Variants in LAMC3 observed in about 807,000 individuals in gnomAD.
LAMC3 encodes laminin subunit gamma 3.
Under a neutral mutation model 173.8 loss-of-function variants are expected in LAMC3, and 128 were observed. The ratio of observed to expected loss-of-function variants is 0.74; its 90% CI spans 0.64 to 0.85. The LOEUF is 0.85. Among genes scored for constraint, LAMC3 ranks in the 40% least tolerant of loss-of-function variants. The pLI, the probability that LAMC3 is intolerant of heterozygous loss-of-function variation, is 0.00. For synonymous variants in LAMC3, 897 were observed against 909.1 expected (o/e 0.99, Z 0.24); for missense variants, 2,022 against 2,156.0 (o/e 0.94, Z 1.23).
At chr9:131,015,830 T>C (rs990466282) in intron 1 of LAMC3, among the ~76,000 whole-genome samples, 1 of 152,126 alleles carries the variant, frequency 6.6e-6, no homozygotes, top group Non-Finnish European at 1.5e-5. Context: ...TAATTTTTTG[T>C]ATTTTTTTGT....
At position 131,082,087 on chromosome 9, in the gene LAMC3, C is replaced by T. The variant is rs758113813; in HGVS notation, c.3956C>T (p.Thr1319Ile). 3.7e-6 allele frequency: 6 copies of T among 1,613,840 alleles called. No homozygotes were observed. The highest frequency in any genetic ancestry group is 1.3e-5 in the African/African-American group (1 of 74,936). The change falls in exon 24 of 28, where the codon ACC becomes ATC. Residue 1319 changes from threonine to isoleucine, a missense_variant. By Grantham distance (89) the Thr-to-Ile change is moderately conservative. Transcript: ENST00000361069. ...KLHQEARAAL[T>I]QASSSVQAAT... ...CACCAGGAGGCCAGAGCCGCCCTGA[C>T]CCAGGCTTCCTCATCTGTCCAGGCT...
chr9:131,009,433 T>C lies in LAMC3; in HGVS notation c.219T>C (p.His73=), dbSNP rs3739512. The stretch of plus-strand genomic sequence containing the variant: ...TGGGCGCCGCGGGCGCGGGGGCTCA[T>C]TGCCAGCGCTGCGACGCCGCCGACC... ...PHVGAAGAGA[H]CQRCDAADPQ... The change falls in exon 1 of 28, where the codon CAT becomes CAC. Residue 73 remains histidine, a synonymous_variant. Coordinates refer to ENST00000361069, the MANE Select transcript of LAMC3 (RefSeq NM_006059.4). This position sits in a 1 kb window ranked among gnomAD's most constrained non-coding sequence, Gnocchi z 4.3. 10 of 1,544,228 alleles carry C rather than the reference T, an allele frequency of 6.5e-6. No homozygotes were observed. Among genetic ancestry groups the C allele is most frequent in the Non-Finnish European group, 8.7e-6 (10 of 1,145,868 alleles).
chr9:131,081,984 T>C, intron 23 of LAMC3, 75 bp from the exon 24 acceptor site: 1 of 1,084,160 alleles, frequency 9.2e-7, no homozygotes, highest in Non-Finnish European at 1.4e-6. Flanking sequence ...GTATGTGGGT[T>C]TGGTGCCCAC....
At position 131,036,225 on chromosome 9, in the gene LAMC3, G is replaced by A. The variant is rs1275971230; in HGVS notation, c.869G>A (p.Cys290Tyr). The change falls in exon 4 of 28, where the codon TGC (cysteine) becomes TAC (tyrosine). Residue 290 changes from cysteine to tyrosine, a missense_variant. Physicochemically the swap from Cys to Tyr is radical, Grantham distance 194 (BLOSUM62 -2). Transcript: ENST00000361069. Reference sequence around the variant, plus strand: ...CCCGACGTGGCAGGCCAGTTGGCCTGCCGGTGCCAGCACAACACCACCGGC... The same window carrying A: ...CCCGACGTGGCAGGCCAGTTGGCCTACCGGTGCCAGCACAACACCACCGGC... ...CGPDVAGQLA[C>Y]RCQHNTTGTD... The A allele has an allele frequency of 6.2e-7, 1 of 1,613,126 alleles. No individual in the cohort carries two copies. Among genetic ancestry groups the A allele is most frequent in the Non-Finnish European group, 8.5e-7 (1 of 1,179,886 alleles).
At chr9:131,073,102 A>G in intron 19 of LAMC3, 143 bp from the exon 20 acceptor site, 3 of 748,128 alleles carry the variant, frequency 4.0e-6, no homozygotes, top group South Asian at 2.9e-5. Flanking sequence ...GACTCCGCTC[A>G]CTGAATGCCG....
At chr9:131,088,696 C>G (rs1830369667) in intron 27 of LAMC3, among the ~76,000 whole-genome samples, 1 of 152,190 alleles carries the variant, frequency 6.6e-6, no homozygotes, top group Non-Finnish European at 1.5e-5. Context: ...TTCATCATCT[C>G]CAACTGAAGC....
At chr9:131,083,626 C>T (rs1042474651) in intron 24 of LAMC3, among the ~76,000 whole-genome samples, 7 of 152,118 alleles carry the variant, frequency 4.6e-5, no homozygotes, top group Non-Finnish European at 1.0e-4. Context: ...TCTGAGAAGG[C>T]CTGTAATAAA....
intron 3 of LAMC3, among the ~76,000 whole-genome samples, chr9:131,032,997 A>G (rs1833872877): frequency 6.6e-6 from 1 of 152,196 alleles, no homozygotes; most frequent in Admixed American, 6.5e-5. Flanking sequence ...TTACTGGCCT[A>G]GAGAAAGGCG....
intron 11 of LAMC3, among the ~76,000 whole-genome samples, chr9:131,055,413 T>A (rs1323716530): frequency 7.6e-6 from 1 of 130,780 alleles, no homozygotes; most frequent in Non-Finnish European, 1.6e-5. Context: ...CACTCTTTTT[T>A]CTTTTCTTTC....
intron 8 of LAMC3, among the ~76,000 whole-genome samples, chr9:131,047,540 G>A (rs1256333179): frequency 6.7e-6 from 1 of 148,792 alleles, no homozygotes; most frequent in African/African-American, 2.5e-5. Flanking sequence ...GGTTTGTATG[G>A]ATATTTGCTG....
intron 3 of LAMC3, 141 bp downstream of exon 3, chr9:131,032,316 G>A (rs1833839838): frequency 6.4e-6 from 5 of 782,100 alleles, no homozygotes; most frequent in Non-Finnish European, 8.7e-6. Context: ...CCTGCCATTC[G>A]AGGCCCTGGG....
intron 1 of LAMC3, among the ~76,000 whole-genome samples, chr9:131,023,062 A>C (rs1833655640): frequency 6.6e-6 from 1 of 152,080 alleles, no homozygotes; most frequent in African/African-American, 2.4e-5. Context: ...TCTGCCACTT[A>C]ACGTTCTCGT....
At chr9:131,040,332 C>G (rs1427598893) in intron 6 of LAMC3, among the ~76,000 whole-genome samples, 1 of 152,096 alleles carries the variant, frequency 6.6e-6, no homozygotes, top group African/African-American at 2.4e-5. Flanking sequence ...TGTGCACCAC[C>G]ACACCCGGCT....
At chr9:131,041,180 AAC>A (rs1834047587) in intron 6 of LAMC3, among the ~76,000 whole-genome samples, 1 of 152,126 alleles carries the variant, frequency 6.6e-6, no homozygotes, top group Admixed American at 6.5e-5. Context: ...CAGTCTAGCC[AAC>A]ATGGTGAAAC....
intron 17 of LAMC3, 70 bp downstream of exon 17, chr9:131,069,920 G>A: frequency 6.8e-7 from 1 of 1,477,596 alleles, no homozygotes; most frequent in Non-Finnish European, 9.2e-7. Context: ...CTCTATGCCG[G>A]GCACCAGGAA....
Position 131,026,265 on chromosome 9 carries a change from C to T in LAMC3, c.374-20C>T. The stretch of plus-strand genomic sequence containing the variant: ...CCTCCTTCCCCTTCCATAAAATGGG[C>T]CCCGTTTTCCTGGCTGCAGGGAAGG... On this transcript the variant is annotated intron_variant, in intron 1 of 27. Transcript: ENST00000361069. The surrounding 1 kb of genome is among the most constrained non-coding windows in gnomAD (Gnocchi z 4.8). The T allele has an allele frequency of 3.1e-6, 5 of 1,613,846 alleles. No homozygotes were observed. Among genetic ancestry groups the T allele is most frequent in the Non-Finnish European group, 3.4e-6 (4 of 1,179,924 alleles).
At chr9:131,053,922 A>G (rs1834346408) in intron 11 of LAMC3, among the ~76,000 whole-genome samples, 1 of 151,910 alleles carries the variant, frequency 6.6e-6, no homozygotes, top group African/African-American at 2.4e-5. Flanking sequence ...AGACTGGAGG[A>G]TCGCTTGAGC....
At chr9:131,089,181 G>T (rs1011768802) in intron 27 of LAMC3, among the ~76,000 whole-genome samples, 3 of 120,666 alleles carry the variant, frequency 2.5e-5, no homozygotes, top group East Asian at 5.7e-4. Context: ...GTCATCGGGT[G>T]GGGGGAGGGG....
chr9:131,089,551 T>C (rs1313206040), intron 27 of LAMC3, among the ~76,000 whole-genome samples: 1 of 150,636 alleles, frequency 6.6e-6, no homozygotes, highest in Non-Finnish European at 1.5e-5. Flanking sequence ...CTAATTTTTT[T>C]TTTTTTTTTT....
Sources: allele counts gnomAD v4.1 joint callset (sites outside exome capture counted in the v4.1 genomes callset), GRCh38; gene constraint gnomAD v4.1.1; non-coding constraint Gnocchi (gnomAD v3.1); transcripts MANE v1.5; gene names NCBI Gene and HGNC (gene_info 2026-07-23, HGNC 2026-07-21).